Variants in SLC25A12 observed in about 807,000 individuals in gnomAD.
The protein encoded by SLC25A12 is solute carrier family 25 member 12.
In SLC25A12, 32 loss-of-function variants were observed where a neutral mutation model predicts 83.3. That is an observed-to-expected ratio of 0.38 (90% CI 0.29 to 0.52). The LOEUF is 0.52. SLC25A12 is among the 20% of genes least tolerant of loss of function. SLC25A12 has a pLI of 0.84. For missense variants in SLC25A12, 611 were observed against 835.6 expected, an observed-to-expected ratio of 0.73 and a Z score of 3.31; for synonymous variants, 267 against 291.1, an observed-to-expected ratio of 0.92 and a Z score of 0.84.
intron 5 of SLC25A12, among the ~76,000 whole-genome samples, chr2:171,837,813 C>T (rs1684589119): frequency 6.6e-6 from 1 of 152,096 alleles, no homozygotes; most frequent in South Asian, 2.1e-4. Context: ...CTGGTAAGTG[C>T]AATATTCAGT....
At chr2:171,826,774 T>A (rs1684308604) in intron 9 of SLC25A12, 24 bp downstream of exon 9, 1 of 1,338,998 alleles carries the variant, frequency 7.5e-7, no homozygotes, top group Non-Finnish European at 1.1e-6. Flanking sequence ...TTTAAGGTGA[T>A]CATATTTATG....
In SLC25A12 at chr2:171,893,150, G is replaced by A. The variant is rs1024397260; in HGVS notation, c.66+55C>T. The A allele has an allele frequency of 4.3e-6, 6 of 1,385,104 alleles. No individual in the cohort carries two copies. The African/African-American group carries it at 5.7e-5, about 13-fold the overall frequency. The allele number at this position is 1,385,104 out of a possible 1,614,324, so 85.8% of individuals were successfully genotyped here. A position where few individuals can be genotyped will look rare whatever the true frequency, so the allele number is the denominator to read the frequency against. ...AAGTTAAGGCATGAATAGGACTAAG[G>A]ACATGTACGTTTTTTGTTTTTGCAA... On this transcript the variant is annotated intron_variant, in intron 2 of 17. Coordinates refer to ENST00000422440, the MANE Select transcript of SLC25A12 (RefSeq NM_003705.5).
chr2:171,817,027 C>T (rs1356830274), intron 9 of SLC25A12, among the ~76,000 whole-genome samples: 4 of 152,032 alleles, frequency 2.6e-5, no homozygotes, highest in South Asian at 2.1e-4. Flanking sequence ...ACAAGAAAGA[C>T]GACCTCCCTC....
intron 1 of SLC25A12, among the ~76,000 whole-genome samples, 174 bp downstream of exon 1, chr2:171,894,029 C>T (rs1296879144): frequency 6.6e-6 from 1 of 152,182 alleles, no homozygotes; most frequent in African/African-American, 2.4e-5. Context: ...CCCAGCCGGG[C>T]ATCCCCTCCT....
In SLC25A12 at chr2:171,809,611, C is replaced by T. The variant is rs1221673289; in HGVS notation, c.1300G>A (p.Gly434Ser). 1.2e-6 allele frequency: 2 copies of T among 1,612,662 alleles called. No homozygotes were observed. The highest frequency in any genetic ancestry group is 1.7e-6 in the Non-Finnish European group (2 of 1,178,796). The change falls in exon 13 of 18, where the codon GGC becomes AGC. Residue 434 changes from glycine to serine, a missense_variant. By Grantham distance (56) the Gly-to-Ser change is moderately conservative (BLOSUM62 0). Transcript: ENST00000422440. ...VPLPAEVLAG[G>S]CAGGSQVIFT... Reference sequence around the variant, plus strand: ...CGCCTAACAGTAATACTTACACAGCCTCCAGCAAGAACTTCTGCTGGAAGT... The same window carrying T: ...CGCCTAACAGTAATACTTACACAGCTTCCAGCAAGAACTTCTGCTGGAAGT...
At position 171,785,151 on chromosome 2, in the gene SLC25A12, A is replaced by G; in HGVS notation, c.*123T>C. 1 of 856,490 alleles carries G rather than the reference A, an allele frequency of 1.2e-6. No individual in the cohort carries two copies. 53.1% of individuals were successfully genotyped at this position (856,490 alleles called of 1,614,324 possible). On this transcript the variant is annotated 3_prime_UTR_variant, in exon 18 of 18. Transcript: ENST00000422440. ...AAACAAGTATATGTATATGTCATAC[A>G]GAAAGAAGAGTTTGACTCCTCAGCT...
intron 3 of SLC25A12, among the ~76,000 whole-genome samples, chr2:171,866,776 A>C (rs1464234816): frequency 8.1e-6 from 1 of 123,204 alleles, no homozygotes. Context: ...GACCCCCCCC[A>C]CCTCCCTCCC....
At chr2:171,878,719 A>ATTTC (rs1685622405) in intron 2 of SLC25A12, among the ~76,000 whole-genome samples, 1 of 152,258 alleles carries the variant, frequency 6.6e-6, no homozygotes, top group African/African-American at 2.4e-5. Context: ...CAGTAATTCA[A>ATTTC]ATGACAATAT....
chr2:171,791,680 TTGAGGTGTCCCTCAGTGACAAGCC>T (rs1683464826), intron 14 of SLC25A12, 91 bp from the exon 15 acceptor site: 6 of 1,253,624 alleles, frequency 4.8e-6, no homozygotes, highest in South Asian at 1.2e-5. Context: ...AGTGACAAGC[TTGAGGTGTCCCTCAGTGACAAGCC>T]TGAGGTGTCC....
At chr2:171,790,396 T>C (rs907768688) in intron 15 of SLC25A12, among the ~76,000 whole-genome samples, 3 of 152,210 alleles carry the variant, frequency 2.0e-5, no homozygotes, top group African/African-American at 7.2e-5. Context: ...CACCTGGTTC[T>C]CTCCTTCTAT....
In SLC25A12 at chr2:171,793,738, G is replaced by A; in HGVS notation, c.1335C>T (p.Asn445=). The A allele has an allele frequency of 6.2e-7, 1 of 1,614,166 alleles. No homozygotes were observed. Among genetic ancestry groups the A allele is most frequent in the Non-Finnish European group, 8.5e-7 (1 of 1,180,044 alleles). Residue 445 remains asparagine (N), a synonymous_variant, in exon 14 of 18, where the codon AAC becomes AAT. Transcript: ENST00000422440. ...GACGAATCTTCACTATCTCCAATGG[G>A]TTGGTAAAAATGACCTGAGAGCCTC... The part of the protein sequence containing the change: ...CAGGSQVIFT[N]PLEIVKIRLQ...
chr2:171,847,560 T>C (rs1389540981), intron 4 of SLC25A12, among the ~76,000 whole-genome samples: 1 of 152,160 alleles, frequency 6.6e-6, no homozygotes, highest in Non-Finnish European at 1.5e-5. Flanking sequence ...GAGAATCCCA[T>C]CTTTCCAGTG....
At chr2:171,799,823 G>A (rs887990391) in intron 13 of SLC25A12, among the ~76,000 whole-genome samples, 2 of 152,200 alleles carry the variant, frequency 1.3e-5, no homozygotes, top group Non-Finnish European at 2.9e-5. Flanking sequence ...AAGTGTGTTC[G>A]CATAGGGTTG....
chr2:171,813,191 G>A (rs1683982700), intron 11 of SLC25A12, 148 bp downstream of exon 11: 2 of 767,704 alleles, frequency 2.6e-6, no homozygotes, highest in Admixed American at 4.5e-5. Context: ...AATGCAAAAA[G>A]GGAAATGAGC....
intron 3 of SLC25A12, among the ~76,000 whole-genome samples, chr2:171,865,894 G>T (rs935589465): frequency 2.9e-4 from 43 of 150,528 alleles, no homozygotes; most frequent in Middle Eastern, 3.2e-3. Flanking sequence ...TCGCAGAGGG[G>T]GATTTGGCAG....
At chr2:171,869,946 A>G (rs921938058) in intron 2 of SLC25A12, among the ~76,000 whole-genome samples, 3 of 152,254 alleles carry the variant, frequency 2.0e-5, no homozygotes, top group Non-Finnish European at 2.9e-5. Flanking sequence ...AATTAAGGGC[A>G]TCATGCTCCT....
intron 5 of SLC25A12, among the ~76,000 whole-genome samples, chr2:171,837,921 G>A (rs1684591685): frequency 6.6e-6 from 1 of 152,194 alleles, no homozygotes; most frequent in Non-Finnish European, 1.5e-5. Context: ...AGACAGTCCA[G>A]AATATCTCTG....
intron 1 of SLC25A12, among the ~76,000 whole-genome samples, chr2:171,893,513 G>A (rs1044060266): frequency 2.6e-5 from 4 of 152,176 alleles, no homozygotes; most frequent in Non-Finnish European, 4.4e-5. Context: ...GGAAAGGGAA[G>A]GCAATGAGGA....
chr2:171,863,205 G>T (rs1220150291), intron 3 of SLC25A12, among the ~76,000 whole-genome samples: 1 of 152,100 alleles, frequency 6.6e-6, no homozygotes, highest in East Asian at 1.9e-4. Context: ...GCCCAGTAGA[G>T]AATATCTTTT....
Sources: gnomAD v4.1 joint callset for allele counts (sites outside exome capture counted in the v4.1 genomes callset) on GRCh38, gnomAD v4.1.1 for gene constraint, MANE v1.5 for transcripts, NCBI Gene and HGNC (gene_info 2026-07-23, HGNC 2026-07-21) for gene names.